PHTF2: variants seen among roughly 807,000 people sequenced by gnomAD.
The protein encoded by PHTF2 is protein PHTF2.
Under a neutral mutation model 101.2 loss-of-function variants are expected in PHTF2, and 60 were observed. The ratio of observed to expected loss-of-function variants is 0.59; its 90% confidence interval spans 0.48 to 0.73. PHTF2 has a LOEUF of 0.73. Ranked by LOEUF, PHTF2 falls within the 30% of genes least tolerant of loss-of-function variation. PHTF2 has a pLI of 0.00. For missense variants in PHTF2, 747 were observed against 908.7 expected, an observed-to-expected ratio of 0.82 and a Z score of 2.29; for synonymous variants, 311 against 307.3, an observed-to-expected ratio of 1.01 and a Z score of -0.13.
rs1374285925 is a variant in PHTF2 at position 77,876,326 on chromosome 7, C to G, written c.148-17282C>G. On this transcript the variant is annotated intron_variant, in intron 3 of 19. Coordinates refer to ENST00000416283, the Ensembl canonical transcript of PHTF2. Reference sequence around the variant, plus strand: ...CTATCACTTTTTAAGTGTTTTTAGTCTATTAGAAGTCTTGTACATTTACTG... The same window carrying G: ...CTATCACTTTTTAAGTGTTTTTAGTGTATTAGAAGTCTTGTACATTTACTG... Among the ~76,000 whole-genome samples the G allele has an allele frequency of 2.6e-5, 4 of 152,074 alleles. No homozygotes were observed. The East Asian group carries it at 7.7e-4, about 29-fold the overall frequency.
At chr7:77,812,805 G>A (rs1793547820) in intron 1 of PHTF2, among the ~76,000 whole-genome samples, 1 of 152,068 alleles carries the variant, frequency 6.6e-6, no homozygotes, top group Non-Finnish European at 1.5e-5. Flanking sequence ...TAGCCAGGAT[G>A]GTCTCGATCT....
At chr7:77,852,149 T>C (rs1329634652) in intron 2 of PHTF2, among the ~76,000 whole-genome samples, 1 of 152,108 alleles carries the variant, frequency 6.6e-6, no homozygotes, top group Non-Finnish European at 1.5e-5. Context: ...CCTCAGCCTC[T>C]TGAGTAGCTG....
chr7:77,828,918 A>G (rs1360525872), intron 1 of PHTF2, among the ~76,000 whole-genome samples: 1 of 152,132 alleles, frequency 6.6e-6, no homozygotes, highest in Admixed American at 6.5e-5. Context: ...TCACACCTAT[A>G]ATCCTAGTAC....
At chr7:77,843,506 C>CCTGA (rs113457813) in intron 2 of PHTF2, among the ~76,000 whole-genome samples, 17,637 of 152,148 alleles carry the variant, frequency 0.12, 1,538 homozygotes, top group African/African-American at 0.24. Flanking sequence ...TTATCATTAG[C>CCTGA]CTGAGGGTTC....
intron 3 of PHTF2, among the ~76,000 whole-genome samples, chr7:77,879,830 T>G (rs1165613445): frequency 6.6e-6 from 1 of 152,194 alleles, no homozygotes; most frequent in Non-Finnish European, 1.5e-5. Flanking sequence ...GGCAGTTGCT[T>G]TCTTAATAAC....
intron 1 of PHTF2, among the ~76,000 whole-genome samples, chr7:77,821,714 G>C (rs1794309039): frequency 6.6e-6 from 1 of 151,974 alleles, no homozygotes; most frequent in Non-Finnish European, 1.5e-5. Flanking sequence ...TACCGGGGGG[G>C]CCCACAGGAC....
chr7:77,845,354 T>C (rs1257946707), intron 2 of PHTF2, among the ~76,000 whole-genome samples: 2 of 152,158 alleles, frequency 1.3e-5, no homozygotes, highest in Admixed American at 6.6e-5. Context: ...ACTGGCAACA[T>C]TGTATAGTCA....
chr7:77,907,426 CTTT>C (rs1801966403), intron 7 of PHTF2, among the ~76,000 whole-genome samples: 1 of 152,018 alleles, frequency 6.6e-6, no homozygotes, highest in African/African-American at 2.4e-5. Context: ...TGCAAACTAG[CTTT>C]TACAAGAAGT....
chr7:77,841,684 G>A (rs764944381), intron 2 of PHTF2, among the ~76,000 whole-genome samples: 5 of 152,124 alleles, frequency 3.3e-5, no homozygotes, highest in Admixed American at 6.6e-5. Context: ...TTTTTCATAT[G>A]AGGTACTTTA....
At chr7:77,850,151 T>C (rs974581454) in intron 2 of PHTF2, among the ~76,000 whole-genome samples, 2 of 148,650 alleles carry the variant, frequency 1.3e-5, no homozygotes, top group Non-Finnish European at 3.0e-5. Context: ...AGGAGTTCAA[T>C]GTCAGCCTGG....
intron 1 of PHTF2, among the ~76,000 whole-genome samples, chr7:77,824,620 C>T (rs921501355): frequency 1.3e-5 from 2 of 152,128 alleles, no homozygotes; most frequent in African/African-American, 4.8e-5. Flanking sequence ...AGATGTTTCA[C>T]CATGATGGCC....
chr7:77,896,391 A>T (rs1373613080), intron 5 of PHTF2, among the ~76,000 whole-genome samples: 1 of 144,040 alleles, frequency 6.9e-6, no homozygotes, highest in Non-Finnish European at 1.5e-5. Context: ...CACTATCTCT[A>T]AAAAAAAAAT....
At chr7:77,802,877 G>C (rs909944406) in intron 1 of PHTF2, among the ~76,000 whole-genome samples, 1 of 152,106 alleles carries the variant, frequency 6.6e-6, no homozygotes, top group Admixed American at 6.5e-5. Flanking sequence ...AGAAAGTCTC[G>C]TGCTTCTATC....
chr7:77,902,150 G>A (rs561059458), intron 7 of PHTF2, among the ~76,000 whole-genome samples: 4 of 151,866 alleles, frequency 2.6e-5, no homozygotes, highest in African/African-American at 7.2e-5. Flanking sequence ...AATAGAAATC[G>A]AGAAGATTTT....
In PHTF2 at chr7:77,908,959, G is replaced by T. The variant is rs1390794167; in HGVS notation, c.611+1G>T. On this transcript the variant is annotated splice_donor_variant, in intron 8 of 19. Coordinates refer to ENST00000416283, the Ensembl canonical transcript of PHTF2. LOFTEE classifies it high-confidence loss of function. ...TAAGTACAGGGGGTAAAAGAAGAAG[G>T]TACTGTTTTTTAAAAAGTAATCTTT... The T allele has an allele frequency of 1.3e-6, 2 of 1,579,608 alleles. No homozygotes were observed. The highest frequency in any genetic ancestry group is 1.7e-4 in the Middle Eastern group (1 of 5,946).
At chr7:77,821,671 G>A (rs1794303154) in intron 1 of PHTF2, among the ~76,000 whole-genome samples, 1 of 152,018 alleles carries the variant, frequency 6.6e-6, no homozygotes, top group South Asian at 2.1e-4. Flanking sequence ...AGCAGGCACA[G>A]GGCTGCTCAG....
chr7:77,823,056 T>G (rs1214541873), intron 1 of PHTF2, among the ~76,000 whole-genome samples: 1 of 145,340 alleles, frequency 6.9e-6, no homozygotes, highest in Non-Finnish European at 1.5e-5. Context: ...AGGCGCCCGC[T>G]ACCACGCCCG....
intron 1 of PHTF2, among the ~76,000 whole-genome samples, chr7:77,801,848 A>G (rs914160129): frequency 1.3e-5 from 2 of 152,214 alleles, no homozygotes; most frequent in African/African-American, 4.8e-5. Flanking sequence ...GACAGTCTGG[A>G]TTTGAATTCC....
At chr7:77,932,602 A>G (rs77755674) in intron 12 of PHTF2, among the ~76,000 whole-genome samples, 207 of 129,936 alleles carry the variant, frequency 1.6e-3, no homozygotes, top group African/African-American at 3.1e-3. Context: ...GAGAGAGAGA[A>G]AGAGAGAGAG....
Sources: gnomAD v4.1 joint callset for allele counts (sites outside exome capture counted in the v4.1 genomes callset) on GRCh38, gnomAD v4.1.1 for gene constraint, MANE v1.5 for transcripts, NCBI Gene and HGNC (gene_info 2026-07-23, HGNC 2026-07-21) for gene names.